RFX4: variants seen among roughly 807,000 people sequenced by gnomAD.
RFX4 encodes regulatory factor X4.
Under a neutral mutation model 95.0 loss-of-function variants are expected in RFX4, and 10 were observed. The observed-to-expected ratio is 0.11, with a 90% CI of 0.06 to 0.18. The LOEUF is 0.18. Ranked by LOEUF, RFX4 falls within the 10% of genes least tolerant of loss-of-function variation. RFX4 has a pLI of 1.00. For missense variants in RFX4, 640 were observed against 922.0 expected, an observed-to-expected ratio of 0.69 and a Z score of 3.96; for synonymous variants, 321 against 340.7, an observed-to-expected ratio of 0.94 and a Z score of 0.64.
intron 11 of RFX4, among the ~76,000 whole-genome samples, chr12:106,716,579 G>T (rs532140877): frequency 6.6e-6 from 1 of 152,044 alleles, no homozygotes; most frequent in South Asian, 2.1e-4. Flanking sequence ...TGTAACAGCC[G>T]AAATGTTTGA....
At position 106,761,178 on chromosome 12, in the gene RFX4, T is replaced by C. The variant is rs2043202295; in HGVS notation, c.1936-19T>C. The C allele has an allele frequency of 2.5e-6, 4 of 1,601,662 alleles. No individual in the cohort carries two copies. The highest frequency in any genetic ancestry group is 1.7e-4 in the Middle Eastern group (1 of 6,036). ...TCAAGCTAATTTTAACTTTGTGGAA[T>C]TTCTTTCCCCTCAACAAGTACCCTT... On this transcript the variant is annotated intron_variant, in intron 17 of 17. Transcript: ENST00000392842.
At chr12:106,620,421 G>GT (rs908836450) in intron 2 of RFX4, among the ~76,000 whole-genome samples, 1 of 152,244 alleles carries the variant, frequency 6.6e-6, no homozygotes, top group African/African-American at 2.4e-5. Flanking sequence ...AAACCAGCAA[G>GT]TTTTTTATTA....
At chr12:106,759,878 C>G (rs2043179042) in intron 17 of RFX4, among the ~76,000 whole-genome samples, 1 of 152,182 alleles carries the variant, frequency 6.6e-6, no homozygotes, top group Non-Finnish European at 1.5e-5. Flanking sequence ...TGGGATCCCT[C>G]TTTCTTGACC....
chr12:106,600,920 T>G (rs897777971), intron 1 of RFX4, among the ~76,000 whole-genome samples: 1 of 152,240 alleles, frequency 6.6e-6, no homozygotes, highest in Non-Finnish European at 1.5e-5. Flanking sequence ...AACACTCACT[T>G]TCTGCTGTCT....
At position 106,641,738 on chromosome 12, in the gene RFX4, T is replaced by A. The variant is rs919931977; in HGVS notation, c.191+2346T>A. 3.9e-5 allele frequency among the ~76,000 whole-genome samples: 6 copies of A among 152,318 alleles called. No homozygotes were observed. In the East Asian group the frequency reaches 9.7e-4, roughly 25 times the overall value. On this transcript the variant is annotated intron_variant, in intron 3 of 17. Coordinates refer to ENST00000392842, the MANE Select transcript of RFX4 (RefSeq NM_213594.3). ...TTCTTATCAAAAGACATCAAGTTGT[T>A]CAAAGAACATTAACGTTTGCTCTAA...
At chr12:106,606,761 G>C (rs1283983239) in intron 1 of RFX4, among the ~76,000 whole-genome samples, 1 of 152,108 alleles carries the variant, frequency 6.6e-6, no homozygotes, top group Non-Finnish European at 1.5e-5. Flanking sequence ...TTTGGAAGCA[G>C]CTTTTAAAAG....
chr12:106,677,533 A>G (rs1475104044), intron 4 of RFX4, among the ~76,000 whole-genome samples: 2 of 152,100 alleles, frequency 1.3e-5, no homozygotes, highest in African/African-American at 4.8e-5. Flanking sequence ...AAATGATCAT[A>G]TTGGCATTTT....
chr12:106,600,298 C>T (rs2137180828), intron 1 of RFX4, among the ~76,000 whole-genome samples: 1 of 152,332 alleles, frequency 6.6e-6, no homozygotes, highest in Non-Finnish European at 1.5e-5. Flanking sequence ...CCCTCTCTAC[C>T]TGGTTCATGC....
chr12:106,727,734 C>G (rs1262421002), intron 13 of RFX4, among the ~76,000 whole-genome samples: 1 of 152,134 alleles, frequency 6.6e-6, no homozygotes, highest in Non-Finnish European at 1.5e-5. Context: ...ATTCTCCTGC[C>G]TCAGCCTCCC....
intron 6 of RFX4, among the ~76,000 whole-genome samples, chr12:106,687,521 C>G (rs1397489771): frequency 6.7e-6 from 1 of 149,356 alleles, no homozygotes; most frequent in African/African-American, 2.5e-5. Context: ...TGCACTGCAG[C>G]CTGGGCAACA....
chr12:106,634,883 C>T (rs2040481159), intron 2 of RFX4, among the ~76,000 whole-genome samples: 1 of 152,184 alleles, frequency 6.6e-6, no homozygotes, highest in African/African-American at 2.4e-5. Context: ...CAGCACTTAC[C>T]ACTTCTTGCT....
At chr12:106,719,442 T>C (rs1399653245) in intron 11 of RFX4, among the ~76,000 whole-genome samples, 1 of 152,138 alleles carries the variant, frequency 6.6e-6, no homozygotes, top group Non-Finnish European at 1.5e-5. Context: ...TCACAGATAA[T>C]GCACCAGCTA....
intron 4 of RFX4, among the ~76,000 whole-genome samples, chr12:106,674,609 C>T (rs10778499): frequency 0.35 from 53,413 of 151,952 alleles, 9,473 homozygotes; most frequent in South Asian, 0.38. Context: ...GGATTATAGG[C>T]ATGAACCACC....
At chr12:106,737,029 T>TA (rs1345995580) in intron 15 of RFX4, among the ~76,000 whole-genome samples, 1 of 152,098 alleles carries the variant, frequency 6.6e-6, no homozygotes, top group East Asian at 1.9e-4. Context: ...CTCTGCCTGA[T>TA]AAAATCCTAC....
intron 1 of RFX4, among the ~76,000 whole-genome samples, chr12:106,593,227 A>G (rs762254074): frequency 2.0e-5 from 3 of 152,238 alleles, no homozygotes; most frequent in Non-Finnish European, 2.9e-5. Flanking sequence ...TTAAAAGAAC[A>G]ATGAGAAAGC....
intron 1 of RFX4, among the ~76,000 whole-genome samples, chr12:106,587,197 G>A (rs907074163): frequency 2.6e-5 from 4 of 152,224 alleles, no homozygotes; most frequent in African/African-American, 7.2e-5. Flanking sequence ...CTGGGACAGC[G>A]CGCTTTCCTA....
intron 9 of RFX4, among the ~76,000 whole-genome samples, chr12:106,710,552 A>G (rs1255408115): frequency 6.6e-6 from 1 of 152,186 alleles, no homozygotes; most frequent in African/African-American, 2.4e-5. Flanking sequence ...ATCCTAGGGA[A>G]ATTTCTGACT....
chr12:106,608,777 TTTC>T lies in RFX4; in HGVS notation c.44-17_44-15del. ...TTTTTCTTTTTCTTTTCTTTCTTTC[TTTC>T]TTTTTTTTTTTTTTAGAGAGCTGGA... On this transcript the variant is annotated splice_polypyrimidine_tract_variant and intron_variant, in intron 1 of 17. Transcript: ENST00000392842. The T allele has an allele frequency of 6.4e-6, 10 of 1,553,528 alleles. No homozygotes were observed. The highest frequency in any genetic ancestry group is 1.5e-5 in the African/African-American group (1 of 66,070).
At chr12:106,690,369 G>A (rs1406358356) in intron 7 of RFX4, among the ~76,000 whole-genome samples, 2 of 152,030 alleles carry the variant, frequency 1.3e-5, no homozygotes, top group Admixed American at 1.3e-4. Flanking sequence ...TTTCTTTTAA[G>A]AAAGAAAACT....
Sources: gnomAD v4.1 joint callset for allele counts (sites outside exome capture counted in the v4.1 genomes callset) on GRCh38, gnomAD v4.1.1 for gene constraint, MANE v1.5 for transcripts, NCBI Gene and HGNC (gene_info 2026-07-23, HGNC 2026-07-21) for gene names.